TJP1: variants seen among roughly 807,000 people sequenced by gnomAD.
TJP1 encodes the protein tight junction protein 1.
A neutral mutation model predicts 194.2 loss-of-function variants in TJP1; 43 were observed. That is an observed-to-expected ratio of 0.22 (90% CI 0.17 to 0.29). The LOEUF (loss-of-function observed/expected upper bound fraction) is 0.29, where lower values mean the gene tolerates loss of function less well. TJP1 is among the 10% of genes least tolerant of loss of function. TJP1 has a pLI of 1.00. For synonymous variants in TJP1, 801 were observed against 779.0 expected, an observed-to-expected ratio of 1.03 and a Z score of -0.47; for missense variants, 1,971 against 2,185.7, an observed-to-expected ratio of 0.90 and a Z score of 1.96.
chr15:29,734,231 A>C (rs1186969390), intron 12 of TJP1, 43 bp downstream of exon 12: 1 of 1,370,596 alleles, frequency 7.3e-7, no homozygotes, highest in African/African-American at 1.5e-5. Flanking sequence ...TAAGTCCTCA[A>C]ACTCTACAGG....
At chr15:29,853,103 T>A (rs962764947) in intron 2 of TJP1, among the ~76,000 whole-genome samples, 6 of 152,220 alleles carry the variant, frequency 3.9e-5, no homozygotes, top group African/African-American at 1.4e-4. Context: ...ACAACTTGGA[T>A]GTATCTCTAG....
chr15:29,784,291 C>T (rs1244916842), intron 2 of TJP1, among the ~76,000 whole-genome samples: 1 of 151,730 alleles, frequency 6.6e-6, no homozygotes, highest in Non-Finnish European at 1.5e-5. Flanking sequence ...AAAGAAATAG[C>T]AACTCAAGGA....
At chr15:29,814,385 A>C (rs2049751650) in intron 1 of TJP1, among the ~76,000 whole-genome samples, 1 of 152,232 alleles carries the variant, frequency 6.6e-6, no homozygotes, top group Admixed American at 6.5e-5. Context: ...TCGGGATCCC[A>C]AACAAAATGT....
At chr15:29,773,421 T>C in intron 2 of TJP1, 64 bp from the exon 3 acceptor site, 1 of 1,531,128 alleles carries the variant, frequency 6.5e-7, no homozygotes, top group Non-Finnish European at 9.0e-7. Context: ...TATCATACTC[T>C]ACAATCTAGA....
chr15:29,876,132 T>C (rs561696682), intron 2 of TJP1, among the ~76,000 whole-genome samples: 5 of 152,328 alleles, frequency 3.3e-5, no homozygotes, highest in Non-Finnish European at 5.9e-5. Context: ...TTGAGAAGCA[T>C]TGCTCTACAT....
chr15:29,908,717 T>C (rs555186788), intron 2 of TJP1, among the ~76,000 whole-genome samples: 1 of 152,274 alleles, frequency 6.6e-6, no homozygotes, highest in Admixed American at 6.5e-5. Flanking sequence ...AATAATCTCC[T>C]GGCTTTTAAA....
At chr15:29,879,027 G>A (rs1331524455) in intron 2 of TJP1, among the ~76,000 whole-genome samples, 1 of 152,178 alleles carries the variant, frequency 6.6e-6, no homozygotes, top group East Asian at 1.9e-4. Flanking sequence ...GGGAGGCTGA[G>A]GCAGGAGAAT....
chr15:29,840,720 G>A (rs528720157), intron 2 of TJP1, among the ~76,000 whole-genome samples: 26 of 152,338 alleles, frequency 1.7e-4, no homozygotes, highest in Admixed American at 1.2e-3. Flanking sequence ...ACCAGCTGCT[G>A]TATCCAGTGG....
chr15:29,723,387 C>G (rs1456240198), intron 18 of TJP1, among the ~76,000 whole-genome samples: 1 of 152,130 alleles, frequency 6.6e-6, no homozygotes, highest in Admixed American at 6.5e-5. Context: ...GTGTAGTACT[C>G]CCCCCTTCTC....
intron 2 of TJP1, among the ~76,000 whole-genome samples, chr15:29,955,755 A>T (rs2055914717): frequency 8.0e-6 from 1 of 125,138 alleles, no homozygotes; most frequent in South Asian, 2.6e-4. Context: ...TGGCTCTTTA[A>T]AAAAAAAAAA....
chr15:29,760,090 A>G (rs1431181519), intron 8 of TJP1: 8 of 604,784 alleles, frequency 1.3e-5, no homozygotes, highest in African/African-American at 1.1e-4. Context: ...TCAACAACGT[A>G]TAAGGGTTCC....
intron 1 of TJP1, among the ~76,000 whole-genome samples, chr15:29,806,064 A>G (rs2049092491): frequency 6.6e-6 from 1 of 152,194 alleles, no homozygotes; most frequent in African/African-American, 2.4e-5. Flanking sequence ...GGAAGACACT[A>G]AAGAATTTTC....
At chr15:29,823,472 A>G (rs180980199), upstream of TJP1, 13 of 152,394 alleles carry the variant, frequency 8.5e-5, no homozygotes, top group Admixed American at 5.9e-4. Flanking sequence ...TCTTTAAAGT[A>G]TCTGGTATAG....
At chr15:29,866,659 A>G (rs1045723982) in intron 2 of TJP1, among the ~76,000 whole-genome samples, 2 of 152,270 alleles carry the variant, frequency 1.3e-5, no homozygotes, top group African/African-American at 4.8e-5. Context: ...GTCAAATGTC[A>G]CATCAGAAAA....
chr15:29,874,847 C>T (rs2052643722), intron 2 of TJP1, among the ~76,000 whole-genome samples: 1 of 152,144 alleles, frequency 6.6e-6, no homozygotes, highest in Non-Finnish European at 1.5e-5. Context: ...AAATGTGGTG[C>T]CTAATTGATT....
At chr15:29,760,462 G>A (rs553317644) in intron 8 of TJP1, among the ~76,000 whole-genome samples, 11 of 152,114 alleles carry the variant, frequency 7.2e-5, no homozygotes, top group African/African-American at 1.4e-4. Flanking sequence ...TGCAACCTCC[G>A]CTTCCCAGGT....
intron 2 of TJP1, among the ~76,000 whole-genome samples, chr15:29,795,738 C>T (rs1162004956): frequency 6.6e-6 from 1 of 152,048 alleles, no homozygotes; most frequent in Admixed American, 6.6e-5. Context: ...AAAGTACTGA[C>T]CAATAAAACA....
chr15:29,749,904 G>A (rs1374399610), intron 8 of TJP1, among the ~76,000 whole-genome samples: 1 of 152,032 alleles, frequency 6.6e-6, no homozygotes, highest in Admixed American at 6.5e-5. Flanking sequence ...GTGCAGTGAC[G>A]CAATCTCGGC....
At chr15:29,804,043 A>T (rs902905235) in intron 1 of TJP1, among the ~76,000 whole-genome samples, 1 of 151,720 alleles carries the variant, frequency 6.6e-6, no homozygotes, top group African/African-American at 2.4e-5. Flanking sequence ...AAAAAAAAAC[A>T]AAAAACAGAA....
Sources: allele counts gnomAD v4.1 joint callset (sites outside exome capture counted in the v4.1 genomes callset), GRCh38; gene constraint gnomAD v4.1.1; transcripts MANE v1.5; gene names NCBI Gene and HGNC (gene_info 2026-07-23, HGNC 2026-07-21).